The following ANKS1B variants were observed in gnomAD, a reference collection of about 807,000 sequenced individuals.
ANKS1B encodes the protein ankyrin repeat and sterile alpha motif domain-containing protein 1B.
Under a neutral mutation model 148.3 loss-of-function variants are expected in ANKS1B, and 36 were observed. That is an observed-to-expected ratio of 0.24 (90% confidence interval 0.19 to 0.32). ANKS1B has a LOEUF of 0.32. Ranked by LOEUF, ANKS1B falls within the 10% of genes least tolerant of loss-of-function variation. The pLI, the probability that ANKS1B is intolerant of heterozygous loss-of-function variation, is 1.00. For missense variants in ANKS1B, 1,157 were observed against 1,542.6 expected, an observed-to-expected ratio of 0.75 and a Z score of 4.19; for synonymous variants, 542 against 560.8, an observed-to-expected ratio of 0.97 and a Z score of 0.47.
chr12:99,359,130 T>C (rs1304602661), intron 12 of ANKS1B, among the ~76,000 whole-genome samples: 6 of 152,184 alleles, frequency 3.9e-5, no homozygotes, highest in Admixed American at 3.9e-4. Context: ...CATTTATTCA[T>C]TCAAGTTGCT....
intron 8 of ANKS1B, among the ~76,000 whole-genome samples, chr12:99,719,224 A>C (rs527912795): frequency 6.6e-6 from 1 of 152,246 alleles, no homozygotes; most frequent in East Asian, 1.9e-4. Context: ...TACAGTTCTC[A>C]TAACTTCTAA....
chr12:99,614,657 T>G (rs566673202), intron 9 of ANKS1B, among the ~76,000 whole-genome samples: 11 of 151,780 alleles, frequency 7.2e-5, no homozygotes, highest in Non-Finnish European at 1.5e-4. Flanking sequence ...TTGAAAATGG[T>G]TTTTTTTACA....
At chr12:99,211,167 A>C (rs1301882332) in intron 14 of ANKS1B, among the ~76,000 whole-genome samples, 1 of 152,204 alleles carries the variant, frequency 6.6e-6, no homozygotes, top group African/African-American at 2.4e-5. Context: ...AGCATGACCA[A>C]AAGGGGGAAA....
At chr12:99,823,679 T>C (rs2082797539) in intron 2 of ANKS1B, among the ~76,000 whole-genome samples, 3 of 152,194 alleles carry the variant, frequency 2.0e-5, no homozygotes, top group Admixed American at 6.5e-5. Flanking sequence ...ATGTCCAGAA[T>C]GGTGTTTCCA....
intron 17 of ANKS1B, among the ~76,000 whole-genome samples, chr12:98,839,783 G>A (rs746743661): frequency 2.0e-5 from 3 of 152,136 alleles, no homozygotes; most frequent in Non-Finnish European, 4.4e-5. Context: ...ATCTCACAAG[G>A]ATGAAATCGA....
intron 8 of ANKS1B, among the ~76,000 whole-genome samples, chr12:99,743,434 G>A (rs2153583739): frequency 6.6e-6 from 1 of 152,168 alleles, no homozygotes; most frequent in East Asian, 1.9e-4. Context: ...CTAAAACTAA[G>A]TCTATTTCTA....
chr12:99,791,052 C>T (rs1424096160), intron 4 of ANKS1B, among the ~76,000 whole-genome samples: 1 of 151,924 alleles, frequency 6.6e-6, no homozygotes, highest in Admixed American at 6.6e-5. Flanking sequence ...TATAACGATA[C>T]ACACAGATTA....
intron 12 of ANKS1B, among the ~76,000 whole-genome samples, chr12:99,394,484 A>G (rs2094178533): frequency 6.6e-6 from 1 of 152,082 alleles, no homozygotes; most frequent in African/African-American, 2.4e-5. Context: ...ATGAGGCTCT[A>G]TCATTTCCAA....
intron 12 of ANKS1B, among the ~76,000 whole-genome samples, chr12:99,332,942 T>A (rs1398634053): frequency 6.6e-6 from 1 of 151,790 alleles, no homozygotes; most frequent in Non-Finnish European, 1.5e-5. Flanking sequence ...GGGCCAGATT[T>A]AGGGGGCTGT....
At position 98,745,722 on chromosome 12, in the gene ANKS1B, C is replaced by T; in HGVS notation, c.*17G>A. On this transcript the variant is annotated 3_prime_UTR_variant, in exon 27 of 27. Coordinates refer to ENST00000683438, the MANE Select transcript of ANKS1B (RefSeq NM_001352186.2). ...CTTGGCGAGCAAGGCACCGCGAGGA[C>T]AGGAGGACGGCGAGTATCAGAAAAT... 1.9e-6 allele frequency: 3 copies of T among 1,612,342 alleles called. No homozygotes were observed. The highest frequency in any genetic ancestry group is 2.5e-6 in the Non-Finnish European group (3 of 1,179,078).
chr12:98,806,811 T>G (rs1219586989), intron 20 of ANKS1B, among the ~76,000 whole-genome samples: 1 of 152,232 alleles, frequency 6.6e-6, no homozygotes, highest in Admixed American at 6.5e-5. Flanking sequence ...AGATGGCTAC[T>G]TACGAACACA....
chr12:99,595,275 C>G (rs1203252363), intron 9 of ANKS1B, among the ~76,000 whole-genome samples: 1 of 151,812 alleles, frequency 6.6e-6, no homozygotes, highest in African/African-American at 2.4e-5. Flanking sequence ...TTACCAGCCA[C>G]AAAAGACATA....
intron 1 of ANKS1B, among the ~76,000 whole-genome samples, chr12:99,917,092 A>C (rs2094194249): frequency 6.6e-6 from 1 of 152,224 alleles, no homozygotes; most frequent in African/African-American, 2.4e-5. Flanking sequence ...ATAACTTTAC[A>C]TGAAGAAAGA....
intron 14 of ANKS1B, among the ~76,000 whole-genome samples, chr12:99,170,941 TA>T (rs1241760918): frequency 6.6e-6 from 1 of 152,164 alleles, no homozygotes; most frequent in Non-Finnish European, 1.5e-5. Context: ...ATATTTTAAA[TA>T]AAGGTTGGTT....
At chr12:99,167,249 T>C (rs1255505660) in intron 14 of ANKS1B, among the ~76,000 whole-genome samples, 1 of 151,872 alleles carries the variant, frequency 6.6e-6, no homozygotes, top group African/African-American at 2.4e-5. Context: ...GATAAACAAC[T>C]AAAATTTTCA....
intron 25 of ANKS1B, among the ~76,000 whole-genome samples, chr12:98,754,086 G>C (rs2098168992): frequency 6.6e-6 from 1 of 152,210 alleles, no homozygotes; most frequent in South Asian, 2.1e-4. Flanking sequence ...GAGTCGGTTT[G>C]AGAGAGGATG....
At chr12:99,488,813 A>G (rs1466143509) in intron 10 of ANKS1B, among the ~76,000 whole-genome samples, 1 of 152,030 alleles carries the variant, frequency 6.6e-6, no homozygotes, top group African/African-American at 2.4e-5. Flanking sequence ...AACGTTTATA[A>G]TTTTCTGTTT....
chr12:99,576,842 A>G (rs1186533184), intron 9 of ANKS1B, among the ~76,000 whole-genome samples: 4 of 151,936 alleles, frequency 2.6e-5, no homozygotes, highest in Admixed American at 1.3e-4. Context: ...GGTTTGGAGT[A>G]TAAATGATCC....
intron 17 of ANKS1B, among the ~76,000 whole-genome samples, chr12:98,946,457 T>G (rs1168131747): frequency 1.3e-5 from 2 of 152,234 alleles, no homozygotes; most frequent in Admixed American, 1.3e-4. Context: ...AGGCACTGCT[T>G]TAAGCAATGT....
Sources: gnomAD v4.1 joint callset for allele counts (sites outside exome capture counted in the v4.1 genomes callset) on GRCh38, gnomAD v4.1.1 for gene constraint, MANE v1.5 for transcripts, NCBI Gene and HGNC (gene_info 2026-07-23, HGNC 2026-07-21) for gene names.